THSD7B: variants seen among roughly 807,000 people sequenced by gnomAD.
THSD7B encodes thrombospondin type 1 domain containing 7B.
THSD7B carries 138 observed loss-of-function variants against 213.6 expected under a neutral mutation model. The observed-to-expected ratio is 0.65, with a 90% CI of 0.56 to 0.74. THSD7B has a LOEUF of 0.74. Among genes scored for constraint, THSD7B ranks in the 30% least tolerant of loss-of-function variants. The pLI is 0.00. For missense variants in THSD7B, 1,931 were observed against 1,991.5 expected (o/e 0.97, Z 0.58); for synonymous variants, 742 against 687.0 (o/e 1.08, Z -1.25).
chr2:137,639,112 AG>A lies in THSD7B; in HGVS notation c.3800-3373del, dbSNP rs565377575. 1.2e-3 allele frequency among the ~76,000 whole-genome samples: 189 copies of A among 152,020 alleles called. No individual in the cohort carries two copies. In the South Asian group the frequency reaches 0.017, roughly 14 times the overall value. ...CCAAGACCAAGGGGAAAATGTCTCCAGGGCATGTCAGAGAACTTCACAGCAG... is the reference window on the plus strand; with the variant it reads ...CCAAGACCAAGGGGAAAATGTCTCCAGGCATGTCAGAGAACTTCACAGCAG... On this transcript the variant is annotated intron_variant, in intron 20 of 27. Coordinates refer to ENST00000409968, the MANE Select transcript of THSD7B (RefSeq NM_001316349.2).
chr2:137,238,564 T>TTTTC lies in THSD7B; in HGVS notation c.2151-3893_2151-3892insTTTC, dbSNP rs1553481982. 3.3e-3 allele frequency among the ~76,000 whole-genome samples: 272 copies of TTTTC among 83,394 alleles called. 14 individuals carry two copies. The highest frequency in any genetic ancestry group is 5.0e-3 in the African/African-American group (129 of 25,774). 54.7% of individuals were successfully genotyped at this position (83,394 alleles called of 152,430 possible). A position where few individuals can be genotyped will look rare whatever the true frequency, so the allele number is the denominator to read the frequency against. On this transcript the variant is annotated intron_variant, in intron 9 of 27. Coordinates refer to ENST00000409968, the MANE Select transcript of THSD7B (RefSeq NM_001316349.2). The stretch of plus-strand genomic sequence containing the variant: ...TTTTTTTTTTTTTTTTTTTTTTTTT[T>TTTTC]GAGACGGAGTCTCGCTCTGTCGCCC...
At chr2:137,256,035 G>GT (rs1003057857) in intron 10 of THSD7B, among the ~76,000 whole-genome samples, 15 of 150,418 alleles carry the variant, frequency 1.0e-4, no homozygotes, top group Non-Finnish European at 1.5e-4. Flanking sequence ...CCTTCTTCCT[G>GT]TTTTTTTTTC....
At chr2:137,215,854 A>G (rs1681227419) in intron 7 of THSD7B, among the ~76,000 whole-genome samples, 2 of 152,212 alleles carry the variant, frequency 1.3e-5, no homozygotes, top group African/African-American at 4.8e-5. Context: ...CTAGGAAATT[A>G]TGCATTCCTT....
At chr2:136,832,755 C>A (rs1379899464) in intron 1 of THSD7B, among the ~76,000 whole-genome samples, 1 of 152,122 alleles carries the variant, frequency 6.6e-6, no homozygotes, top group Non-Finnish European at 1.5e-5. Context: ...CTATGCTGGT[C>A]CAGATGGTAT....
chr2:137,279,538 G>A (rs1321820287), intron 12 of THSD7B, among the ~76,000 whole-genome samples: 1 of 152,038 alleles, frequency 6.6e-6, no homozygotes, highest in African/African-American at 2.4e-5. Context: ...ATAAGACCCT[G>A]GCTCAAACAA....
At chr2:137,353,496 G>C (rs750964597) in intron 12 of THSD7B, among the ~76,000 whole-genome samples, 9 of 151,978 alleles carry the variant, frequency 5.9e-5, no homozygotes, top group Non-Finnish European at 1.3e-4. Flanking sequence ...TCTAAAGCAG[G>C]AGTGGACTCT....
chr2:137,015,893 G>A (rs1686330713), intron 2 of THSD7B, among the ~76,000 whole-genome samples: 1 of 152,216 alleles, frequency 6.6e-6, no homozygotes, highest in Non-Finnish European at 1.5e-5. Flanking sequence ...CCCTTTCCTC[G>A]AGAGGAGGGA....
chr2:136,874,189 T>G (rs941170706), intron 1 of THSD7B, among the ~76,000 whole-genome samples: 3 of 152,166 alleles, frequency 2.0e-5, no homozygotes, highest in African/African-American at 7.2e-5. Flanking sequence ...TGGGAGATCA[T>G]TGAGGTCACT....
intron 12 of THSD7B, among the ~76,000 whole-genome samples, chr2:137,347,716 G>A (rs1684908654): frequency 6.6e-6 from 1 of 151,214 alleles, no homozygotes; most frequent in African/African-American, 2.4e-5. Flanking sequence ...ATTGAACTTG[G>A]ACTCTATGAT....
intron 1 of THSD7B, among the ~76,000 whole-genome samples, chr2:136,794,501 T>C (rs1224803006): frequency 6.6e-6 from 1 of 151,968 alleles, no homozygotes; most frequent in Non-Finnish European, 1.5e-5. Flanking sequence ...TGGTGGATTT[T>C]TCTAGTTATC....
At chr2:137,205,618 G>C (rs1340126625) in intron 7 of THSD7B, among the ~76,000 whole-genome samples, 1 of 151,944 alleles carries the variant, frequency 6.6e-6, no homozygotes, top group Non-Finnish European at 1.5e-5. Flanking sequence ...TATGATTTTA[G>C]ACATTGAACG....
intron 1 of THSD7B, among the ~76,000 whole-genome samples, chr2:136,811,724 C>T (rs1653681437): frequency 6.6e-6 from 1 of 152,190 alleles, no homozygotes; most frequent in Non-Finnish European, 1.5e-5. Flanking sequence ...GAATTATTTT[C>T]CATTATTTCA....
rs191325084 is a variant in THSD7B at position 137,428,806 on chromosome 2, A to G, written c.2959+16934A>G. ...TATATATTGAAACTTAATTCCCAAT[A>G]TAATAGTACATGAGTAGGACTTTTA... On this transcript the variant is annotated intron_variant, in intron 14 of 27. Coordinates refer to ENST00000409968, the MANE Select transcript of THSD7B (RefSeq NM_001316349.2). 2.0e-5 allele frequency among the ~76,000 whole-genome samples: 3 copies of G among 152,340 alleles called. No homozygotes were observed. In the East Asian group the frequency reaches 5.8e-4, roughly 29 times the overall value.
chr2:137,428,558 A>G (rs1317776467), intron 14 of THSD7B, among the ~76,000 whole-genome samples: 1 of 152,162 alleles, frequency 6.6e-6, no homozygotes, highest in Non-Finnish European at 1.5e-5. Flanking sequence ...CTGCTAACAC[A>G]TGGATAAATA....
chr2:137,070,554 T>A (rs1406626572), intron 3 of THSD7B, among the ~76,000 whole-genome samples: 8 of 151,838 alleles, frequency 5.3e-5, no homozygotes, highest in African/African-American at 1.9e-4. Flanking sequence ...ATTTTTTATT[T>A]TTTTTTTAAA....
At chr2:137,099,344 AAAAAGC>A (rs1439242017) in intron 4 of THSD7B, among the ~76,000 whole-genome samples, 2 of 152,192 alleles carry the variant, frequency 1.3e-5, no homozygotes, top group Non-Finnish European at 2.9e-5. Context: ...AGGGGAAGGC[AAAAAGC>A]ATTCTAACAC....
chr2:137,600,757 CAAAAT>C (rs1682061738), intron 17 of THSD7B, among the ~76,000 whole-genome samples: 1 of 151,958 alleles, frequency 6.6e-6, no homozygotes, highest in African/African-American at 2.4e-5. Flanking sequence ...AACAAAAAAA[CAAAAT>C]TTAACTACAA....
chr2:137,561,516 GA>G, intron 15 of THSD7B, among the ~76,000 whole-genome samples: 1 of 152,190 alleles, frequency 6.6e-6, no homozygotes, highest in Admixed American at 6.5e-5. Context: ...CTATCTCAGG[GA>G]AAATCCAAAA....
At chr2:137,478,834 A>C (rs1033110787) in intron 15 of THSD7B, among the ~76,000 whole-genome samples, 1 of 152,188 alleles carries the variant, frequency 6.6e-6, no homozygotes, top group Non-Finnish European at 1.5e-5. Flanking sequence ...AAACAGAATC[A>C]GTAGTGTCTG....
Sources: allele counts gnomAD v4.1 joint callset (sites outside exome capture counted in the v4.1 genomes callset), GRCh38; gene constraint gnomAD v4.1.1; transcripts MANE v1.5; gene names NCBI Gene and HGNC (gene_info 2026-07-23, HGNC 2026-07-21).